The following TPD52 variants were observed in gnomAD, a reference collection of about 807,000 sequenced individuals.
TPD52 encodes prostate and colon associated protein.
A neutral mutation model predicts 31.3 loss-of-function variants in TPD52; 17 were observed. The observed-to-expected ratio is 0.54, with a 90% CI of 0.37 to 0.82. The LOEUF is 0.82. TPD52 is among the 40% of genes least tolerant of loss of function. The pLI is 0.00. For missense variants in TPD52, 212 were observed against 240.1 expected, an observed-to-expected ratio of 0.88 and a Z score of 0.77; for synonymous variants, 83 against 89.6, an observed-to-expected ratio of 0.93 and a Z score of 0.42.
intron 1 of TPD52, among the ~76,000 whole-genome samples, chr8:80,068,967 G>A (rs1813458065): frequency 6.6e-6 from 1 of 152,174 alleles, no homozygotes; most frequent in African/African-American, 2.4e-5. Flanking sequence ...CTTAAGAAAG[G>A]CTGCACCACA....
At chr8:80,068,936 C>T (rs1440631077) in intron 1 of TPD52, among the ~76,000 whole-genome samples, 3 of 152,148 alleles carry the variant, frequency 2.0e-5, no homozygotes, top group African/African-American at 7.2e-5. Context: ...TAGAAAATGC[C>T]AGGTCCGGTT....
intron 1 of TPD52, among the ~76,000 whole-genome samples, chr8:80,160,279 C>T (rs963630839): frequency 3.3e-5 from 5 of 152,102 alleles, no homozygotes; most frequent in Non-Finnish European, 5.9e-5. Flanking sequence ...GTAGAGCTCT[C>T]CACATCCAGC....
chr8:80,092,645 G>A (rs113576301), intron 1 of TPD52, among the ~76,000 whole-genome samples: 2,072 of 152,254 alleles, frequency 0.014, 22 homozygotes, highest in Middle Eastern at 0.02. Context: ...AGGTCATTAT[G>A]TTAAGTGAAA....
chr8:80,059,091 T>C (rs1314247873), intron 2 of TPD52, among the ~76,000 whole-genome samples: 2 of 152,116 alleles, frequency 1.3e-5, no homozygotes, highest in Non-Finnish European at 2.9e-5. Context: ...TCAATAAACT[T>C]AAAGTCATAC....
chr8:80,149,289 C>T lies in TPD52; in HGVS notation c.19+22136G>A, dbSNP rs566141867. On this transcript the variant is annotated intron_variant, in intron 1 of 7. Coordinates refer to ENST00000518937, the MANE Select transcript of TPD52 (RefSeq NM_001025253.3). Reference sequence around the variant, plus strand: ...GTTTTATAAAGGTTTTATAAAGGCCCGTTCCCCTGCACACGCTCTCCTTGC... The same window carrying T: ...GTTTTATAAAGGTTTTATAAAGGCCTGTTCCCCTGCACACGCTCTCCTTGC... Among the ~76,000 whole-genome samples the T allele has an allele frequency of 1.2e-4, 19 of 152,250 alleles. 1 individual carries two copies. In the South Asian group the frequency reaches 3.9e-3, roughly 32 times the overall value.
At chr8:80,079,877 CAT>C (rs1815039855) in intron 1 of TPD52, among the ~76,000 whole-genome samples, 1 of 151,900 alleles carries the variant, frequency 6.6e-6, no homozygotes, top group South Asian at 2.1e-4. Context: ...CTCAATATTC[CAT>C]AACAAAACCC....
rs116508905 is a variant in TPD52, at chr8:80,157,665, C to T, written c.19+13760G>A. Among the ~76,000 whole-genome samples, 685 of 152,342 alleles carry T rather than the reference C, an allele frequency of 4.5e-3. 5 individuals are homozygous for T. Among genetic ancestry groups the T allele is most frequent in the African/African-American group, 0.015 (631 of 41,584 alleles). ...GCTTCAGGTTGGCCCTTAGAAATCA[C>T]TGGTTAAAATTCTAAAATCACAGCA... is the stretch of plus-strand genomic sequence containing the variant. On this transcript the variant is annotated intron_variant, in intron 1 of 7. Coordinates refer to ENST00000518937, the MANE Select transcript of TPD52 (RefSeq NM_001025253.3).
At chr8:80,160,444 C>T (rs1811269344) in intron 1 of TPD52, among the ~76,000 whole-genome samples, 2 of 152,136 alleles carry the variant, frequency 1.3e-5, no homozygotes, top group Admixed American at 6.5e-5. Flanking sequence ...GTGGTATCAT[C>T]GTCATCATTC....
chr8:80,038,272 A>C, intron 7 of TPD52, 37 bp from the exon 8 acceptor site: 2 of 1,607,216 alleles, frequency 1.2e-6, no homozygotes, highest in Non-Finnish European at 1.7e-6. Context: ...AGACATTATG[A>C]AACATAAAAC....
chr8:80,055,856 T>C (rs1158790253), intron 2 of TPD52, among the ~76,000 whole-genome samples: 2 of 152,132 alleles, frequency 1.3e-5, no homozygotes, highest in Admixed American at 6.5e-5. Context: ...ACACCTGTTA[T>C]TATGCCTGTT....
At chr8:80,071,240 T>G (rs1813744487) in intron 1 of TPD52, among the ~76,000 whole-genome samples, 1 of 152,170 alleles carries the variant, frequency 6.6e-6, no homozygotes, top group South Asian at 2.1e-4. Context: ...ATAATTCCGA[T>G]GGAAAGGGGC....
chr8:80,171,532 C>G lies in TPD52; in HGVS notation c.-89G>C. The G allele has an allele frequency of 1.4e-6, 2 of 1,418,034 alleles. No homozygotes were observed. Among genetic ancestry groups the G allele is most frequent in the African/African-American group, 1.5e-5 (1 of 66,562 alleles). 87.8% of individuals were successfully genotyped at this position (1,418,034 alleles called of 1,614,324 possible). A position where few individuals can be genotyped will look rare whatever the true frequency, so the allele number is the denominator to read the frequency against. ...TCGCCCGCCGCGCCGCGCAGAGCTC[C>G]TCCTCGCCTCCGCCGGCGACTCCCG... On this transcript the variant is annotated 5_prime_UTR_variant, in exon 1 of 8. Coordinates refer to ENST00000518937, the MANE Select transcript of TPD52 (RefSeq NM_001025253.3).
intron 1 of TPD52, among the ~76,000 whole-genome samples, chr8:80,066,526 A>G (rs1279339071): frequency 4.6e-5 from 7 of 152,212 alleles, no homozygotes; most frequent in Non-Finnish European, 7.4e-5. Context: ...ATATTTGTGA[A>G]CAGACTGCCC....
At chr8:80,072,815 A>ATATAT (rs1586229273) in intron 1 of TPD52, among the ~76,000 whole-genome samples, 1 of 151,136 alleles carries the variant, frequency 6.6e-6, no homozygotes, top group African/African-American at 2.5e-5. Flanking sequence ...ATATATATAT[A>ATATAT]AACTTGGCCA....
intron 1 of TPD52, among the ~76,000 whole-genome samples, chr8:80,082,339 C>T (rs952124389): frequency 6.6e-6 from 1 of 152,186 alleles, no homozygotes; most frequent in African/African-American, 2.4e-5. Context: ...TGTCCCTAGA[C>T]TAGAAAGAGT....
At chr8:80,154,741 ACACAC>A (rs1321554088) in intron 1 of TPD52, among the ~76,000 whole-genome samples, 1,600 of 80,744 alleles carry the variant, frequency 0.02, 30 homozygotes, top group Non-Finnish European at 0.036. Context: ...ACACACACAC[ACACAC>A]ACACACAAAA....
chr8:80,038,309 A>G, intron 7 of TPD52, 74 bp from the exon 8 acceptor site: 1 of 1,514,954 alleles, frequency 6.6e-7, no homozygotes, highest in East Asian at 2.3e-5. Context: ...AAGTAACTCT[A>G]ATTCACTTTC....
chr8:80,068,971 C>T (rs1415293043), intron 1 of TPD52, among the ~76,000 whole-genome samples: 1 of 152,160 alleles, frequency 6.6e-6, no homozygotes, highest in Admixed American at 6.5e-5. Context: ...AGAAAGGCTG[C>T]ACCACAGACA....
intron 5 of TPD52, among the ~76,000 whole-genome samples, chr8:80,045,623 G>C (rs1810769382): frequency 6.6e-6 from 1 of 152,212 alleles, no homozygotes; most frequent in African/African-American, 2.4e-5. Context: ...CAGAGAGGTA[G>C]AGCAGATGAG....
Sources: allele counts gnomAD v4.1 joint callset (sites outside exome capture counted in the v4.1 genomes callset), GRCh38; gene constraint gnomAD v4.1.1; transcripts MANE v1.5; gene names NCBI Gene and HGNC (gene_info 2026-07-23, HGNC 2026-07-21).